The following ELMOD3 variants were observed in gnomAD, a reference collection of about 807,000 sequenced individuals.
The protein encoded by ELMOD3 is ELMO domain containing 3.
In ELMOD3, 36 loss-of-function variants were observed where a neutral mutation model predicts 47.4. The ratio of observed to expected loss-of-function variants is 0.76; its 90% CI spans 0.58 to 1.00. The LOEUF (loss-of-function observed/expected upper bound fraction) is 1.00, where lower values mean the gene tolerates loss of function less well. Ranked by LOEUF, ELMOD3 falls within the 50% of genes least tolerant of loss-of-function variation. The pLI, the probability that ELMOD3 is intolerant of heterozygous loss-of-function variation, is 0.00. For synonymous variants in ELMOD3, 149 were observed against 183.5 expected (o/e 0.81, Z 1.52); for missense variants, 404 against 463.8 (o/e 0.87, Z 1.18).
intron 4 of ELMOD3, among the ~76,000 whole-genome samples, chr2:85,359,918 C>G (rs1418219870): frequency 2.6e-5 from 4 of 151,974 alleles, no homozygotes; most frequent in African/African-American, 9.7e-5. Context: ...TATGTAGACC[C>G]CATGGCTACA....
chr2:85,386,810 A>G (rs532513802), intron 11 of ELMOD3, among the ~76,000 whole-genome samples: 1 of 152,260 alleles, frequency 6.6e-6, no homozygotes, highest in East Asian at 1.9e-4. Context: ...AGCCTGATCA[A>G]CAGATCAACA....
At chr2:85,372,503 AT>A (rs1418711388) in intron 10 of ELMOD3, 2 of 152,222 alleles carry the variant, frequency 1.3e-5, no homozygotes, top group African/African-American at 4.8e-5. Context: ...TCTCTAAAAA[AT>A]ATTTATGAAA....
At chr2:85,371,397 T>C (rs1308999757) in intron 9 of ELMOD3, 43 bp from the exon 10 acceptor site, 3 of 1,612,296 alleles carry the variant, frequency 1.9e-6, no homozygotes, top group Non-Finnish European at 2.5e-6. Flanking sequence ...GGTTCTCCCA[T>C]GAGGGGCAAT....
intron 4 of ELMOD3, among the ~76,000 whole-genome samples, chr2:85,358,454 A>C (rs1162978581): frequency 1.3e-5 from 2 of 152,164 alleles, no homozygotes; most frequent in African/African-American, 2.4e-5. Context: ...GACCTTGATC[A>C]GAGAAGAGAG....
In ELMOD3 at chr2:85,390,316, T is replaced by C. The variant is rs1249397448; in HGVS notation, c.943+51T>C. Reference sequence around the variant, plus strand: ...TAGGCTGAATGCACAGTGTCCCAGGTCCAGAGAGCCCAAGGTGGTTGCTAG... The same window carrying C: ...TAGGCTGAATGCACAGTGTCCCAGGCCCAGAGAGCCCAAGGTGGTTGCTAG... On this transcript the variant is annotated intron_variant, in intron 13 of 13. Transcript: ENST00000409013. 6 of 1,614,104 alleles carry C rather than the reference T, an allele frequency of 3.7e-6. No homozygotes were observed. In the Admixed American group the frequency reaches 8.3e-5, roughly 22 times the overall value.
chr2:85,360,134 C>T lies in ELMOD3; in HGVS notation c.55-2052C>T, dbSNP rs552833919. Among the ~76,000 whole-genome samples, 7 of 151,960 alleles carry T rather than the reference C, an allele frequency of 4.6e-5. No homozygotes were observed. The East Asian group carries it at 7.9e-4, about 17-fold the overall frequency. ...ACTAAAAATTAGCAGGGCGTGGTGG[C>T]GCATGCCTGTAATCCCAGCTACTCA... On this transcript the variant is annotated intron_variant, in intron 4 of 13. Transcript: ENST00000409013.
chr2:85,379,768 T>A (rs1035010607), intron 11 of ELMOD3, among the ~76,000 whole-genome samples: 9 of 152,216 alleles, frequency 5.9e-5, no homozygotes, highest in African/African-American at 1.7e-4. Flanking sequence ...AGGCTTTTTT[T>A]AAAAATTGGC....
At chr2:85,358,056 G>C (rs1392526052) in intron 4 of ELMOD3, among the ~76,000 whole-genome samples, 1 of 152,212 alleles carries the variant, frequency 6.6e-6, no homozygotes, top group African/African-American at 2.4e-5. Context: ...GAGGTGGGCA[G>C]ATCACTTGAG....
Position 85,390,752 on chromosome 2 carries a change from T to C in ELMOD3, c.944-8T>C. The C allele has an allele frequency of 4.5e-6, 7 of 1,550,394 alleles. No individual in the cohort carries two copies. The South Asian group carries it at 8.3e-5, about 18-fold the overall frequency. On this transcript the variant is annotated splice_region_variant and splice_polypyrimidine_tract_variant and intron_variant, in intron 13 of 13. Coordinates refer to ENST00000409013, the MANE Select transcript of ELMOD3 (RefSeq NM_001135022.2). ...AAGCCTTCTGCTCCCCAATTCTCTC[T>C]GTTGCAGAGTTGGAAGTATTGGCCA...
chr2:85,390,134 G>A lies in ELMOD3; in HGVS notation c.816-4G>A. Reference sequence around the variant, plus strand: ...GAGCAGGTCACCTTGCCTTTTTCCTGCAGAGAGTGTAATCGGCAGCAGAAG... The same window carrying A: ...GAGCAGGTCACCTTGCCTTTTTCCTACAGAGAGTGTAATCGGCAGCAGAAG... On this transcript the variant is annotated splice_polypyrimidine_tract_variant and splice_region_variant and intron_variant, in intron 12 of 13. Coordinates refer to ENST00000409013, the MANE Select transcript of ELMOD3 (RefSeq NM_001135022.2). 2 of 1,613,662 alleles carry A rather than the reference G, an allele frequency of 1.2e-6. No homozygotes were observed. Among genetic ancestry groups the A allele is most frequent in the Non-Finnish European group, 1.7e-6 (2 of 1,179,586 alleles).
At chr2:85,366,550 G>A (rs889189899) in intron 6 of ELMOD3, among the ~76,000 whole-genome samples, 2 of 152,128 alleles carry the variant, frequency 1.3e-5, no homozygotes, top group African/African-American at 4.8e-5. Flanking sequence ...TTACATTTGG[G>A]CCACGTGCTC....
At chr2:85,375,492 T>C (rs999942916) in intron 10 of ELMOD3, among the ~76,000 whole-genome samples, 1 of 152,202 alleles carries the variant, frequency 6.6e-6, no homozygotes, top group African/African-American at 2.4e-5. Context: ...CCAGAGAGTT[T>C]TTAGTTCTAG....
At chr2:85,380,332 A>G (rs774538519) in intron 11 of ELMOD3, among the ~76,000 whole-genome samples, 5 of 152,236 alleles carry the variant, frequency 3.3e-5, no homozygotes, top group Non-Finnish European at 7.3e-5. Context: ...ACAAAGGATC[A>G]GCAACGTTTT....
At position 85,377,543 on chromosome 2, in the gene ELMOD3, G is replaced by A. The variant is rs1393563202; in HGVS notation, c.738+69G>A. On this transcript the variant is annotated intron_variant, in intron 11 of 13. Coordinates refer to ENST00000409013, the MANE Select transcript of ELMOD3 (RefSeq NM_001135022.2). ...AGCTAGGACCTGAGTGGCCGAGAGG[G>A]CTCCCAGGACAGCTGAGATAAACCA... 3.6e-5 allele frequency: 54 copies of A among 1,513,000 alleles called. No individual in the cohort carries two copies. In the Admixed American group the frequency reaches 1.1e-3, roughly 30 times the overall value. The allele number at this position is 1,513,000 out of a possible 1,614,324, so 93.7% of individuals were successfully genotyped here.
intron 10 of ELMOD3, chr2:85,372,965 A>G (rs1200783856): frequency 6.6e-6 from 1 of 151,744 alleles, no homozygotes; most frequent in Admixed American, 6.6e-5. Flanking sequence ...TTTGAAAGGA[A>G]ACTTTAAGGC....
intron 13 of ELMOD3, 190 bp from the exon 14 acceptor site, chr2:85,390,570 G>C: frequency 6.5e-7 from 1 of 1,550,086 alleles, no homozygotes; most frequent in Non-Finnish European, 8.7e-7. Flanking sequence ...GGTAGAGTGT[G>C]TGGTCCCTGT....
chr2:85,371,157 G>T lies in ELMOD3; in HGVS notation c.432G>T (p.Lys144Asn). ...ALRHYLFGPP[K>N]LHQRLREERD... is the part of the protein sequence containing the mutation. ...GACACTACCTCTTCGGGCCTCCAAAGCTCCACCAGCGCCTTCGGGAAGAAA... is the reference window on the plus strand; with the variant it reads ...GACACTACCTCTTCGGGCCTCCAAATCTCCACCAGCGCCTTCGGGAAGAAA... Residue 144 changes from lysine to asparagine, a missense_variant, in exon 9 of 14, where the codon AAG becomes AAT. By Grantham distance (94) the Lys-to-Asn change is moderately conservative. Transcript: ENST00000409013. 1.2e-6 allele frequency: 2 copies of T among 1,614,192 alleles called. No individual in the cohort carries two copies. The highest frequency in any genetic ancestry group is 1.1e-5 in the South Asian group (1 of 91,092).
intron 6 of ELMOD3, 93 bp downstream of exon 6, chr2:85,363,259 C>T: frequency 1.4e-6 from 1 of 720,570 alleles, no homozygotes. Context: ...TTCTCTCACT[C>T]CTTGTCTTTC....
In ELMOD3 at chr2:85,370,075, T is replaced by G. The variant is rs146249662; in HGVS notation, c.360+245T>G. ...GTATAGCTGTTTATCTACTCTTCCC[T>G]TTTAGGGATGGGGACATCTAGAGTC... is the stretch of plus-strand genomic sequence containing the variant. On this transcript the variant is annotated intron_variant, in intron 8 of 13. Transcript: ENST00000409013. Among the ~76,000 whole-genome samples the G allele has an allele frequency of 5.0e-4, 76 of 152,210 alleles. 1 individual carries two copies. The highest frequency in any genetic ancestry group is 1.8e-3 in the African/African-American group (74 of 41,518).
Sources: gnomAD v4.1 joint callset for allele counts (sites outside exome capture counted in the v4.1 genomes callset) on GRCh38, gnomAD v4.1.1 for gene constraint, MANE v1.5 for transcripts, NCBI Gene and HGNC (gene_info 2026-07-23, HGNC 2026-07-21) for gene names.